The following PPHLN1 variants were observed in gnomAD, a reference collection of about 807,000 sequenced individuals.
PPHLN1 encodes periphilin 1.
Under a neutral mutation model 51.3 loss-of-function variants are expected in PPHLN1, and 29 were observed. The ratio of observed to expected loss-of-function variants is 0.57; its 90% CI spans 0.42 to 0.77. The LOEUF is 0.77. PPHLN1 is among the 30% of genes least tolerant of loss of function. The pLI is 0.00. For missense variants in PPHLN1, 436 were observed against 438.4 expected (o/e 0.99, Z 0.05); for synonymous variants, 147 against 147.8 (o/e 0.99, Z 0.04).
intron 4 of PPHLN1, 51 bp from the exon 5 acceptor site, chr12:42,374,812 A>T: frequency 1.4e-6 from 2 of 1,414,338 alleles, no homozygotes; most frequent in Non-Finnish European, 9.7e-7. Context: ...GTGCTTGTAT[A>T]TAGAGGATAG....
chr12:42,395,688 T>C (rs1459506775), intron 8 of PPHLN1, among the ~76,000 whole-genome samples: 3 of 152,164 alleles, frequency 2.0e-5, no homozygotes, highest in African/African-American at 4.8e-5. Context: ...GGCAAAGTAC[T>C]GTGTATGTGT....
intron 2 of PPHLN1, among the ~76,000 whole-genome samples, chr12:42,344,928 T>C (rs2072062608): frequency 6.6e-6 from 1 of 152,098 alleles, no homozygotes; most frequent in Admixed American, 6.6e-5. Flanking sequence ...CAGGCTGGTC[T>C]CGAATTCCTG....
rs888386711 is a variant in PPHLN1 at position 42,414,532 on chromosome 12, T to A, written c.909+15538T>A. On this transcript the variant is annotated intron_variant, in intron 9 of 9. Transcript: ENST00000358314. Reference sequence around the variant, plus strand: ...TAGGTATTTTATTTTATTTTATTTTTTTGCAGCTATTGTAAAAGGATTGAG... The same window carrying A: ...TAGGTATTTTATTTTATTTTATTTTATTGCAGCTATTGTAAAAGGATTGAG... Among the ~76,000 whole-genome samples, 5 of 140,992 alleles carry A rather than the reference T, an allele frequency of 3.5e-5. No individual in the cohort carries two copies. The East Asian group carries it at 8.2e-4, about 23-fold the overall frequency. The allele number at this position is 140,992 out of a possible 152,430, so 92.5% of individuals were successfully genotyped here.
intron 6 of PPHLN1, 53 bp from the exon 7 acceptor site, chr12:42,387,403 A>C (rs1200865166): frequency 6.4e-7 from 1 of 1,553,712 alleles, no homozygotes; most frequent in Admixed American, 2.0e-5. Context: ...AAATTACTTT[A>C]TCAAAAACAA....
intron 7 of PPHLN1, among the ~76,000 whole-genome samples, chr12:42,390,826 T>G (rs1200137684): frequency 1.3e-5 from 2 of 150,760 alleles, no homozygotes; most frequent in Non-Finnish European, 3.0e-5. Flanking sequence ...AAGTTTTTTT[T>G]TTTTTTTTTT....
At chr12:42,351,441 G>C (rs1487726863) in intron 2 of PPHLN1, 2 of 152,244 alleles carry the variant, frequency 1.3e-5, no homozygotes, top group East Asian at 3.8e-4. Context: ...GATCATTCTG[G>C]CTCAATATCA....
chr12:42,431,843 CA>C (rs763237135), intron 9 of PPHLN1: 54 of 1,531,790 alleles, frequency 3.5e-5, no homozygotes, highest in Non-Finnish European at 4.7e-5. Context: ...TTGCCTAGCC[CA>C]TTTTCAATAA....
rs184273471 is a variant in PPHLN1 at position 42,415,590 on chromosome 12, A to G, written c.909+16596A>G. 1.4e-4 allele frequency among the ~76,000 whole-genome samples: 22 copies of G among 152,304 alleles called. 1 individual carries two copies. Among genetic ancestry groups the G allele is most frequent in the African/African-American group, 5.3e-4 (22 of 41,560 alleles). ...ACTCACTCTTACATGAGCTCGAGGT[A>G]ATGTCTGTCATCCCTACCAGGCTCT... On this transcript the variant is annotated intron_variant, in intron 9 of 9. Coordinates refer to ENST00000358314, the MANE Select transcript of PPHLN1 (RefSeq NM_201439.2).
chr12:42,378,877 T>G (rs892463149), intron 5 of PPHLN1, among the ~76,000 whole-genome samples: 9 of 152,170 alleles, frequency 5.9e-5, no homozygotes, highest in African/African-American at 2.2e-4. Context: ...TATAACTTAG[T>G]TGGGCTGACC....
intron 9 of PPHLN1, among the ~76,000 whole-genome samples, chr12:42,404,413 TC>T (rs1229153835): frequency 1.3e-5 from 2 of 151,976 alleles, no homozygotes; most frequent in East Asian, 3.9e-4. Flanking sequence ...CCTATAATCC[TC>T]GCTACTTAGG....
intron 9 of PPHLN1, among the ~76,000 whole-genome samples, chr12:42,407,328 T>C (rs2079402018): frequency 2.0e-5 from 3 of 152,242 alleles, no homozygotes; most frequent in African/African-American, 7.2e-5. Context: ...GCTGGTAGAT[T>C]GACTTCTGTG....
At chr12:42,443,068 CTTTG>C, downstream of PPHLN1, 4 of 234,424 alleles carry the variant, frequency 1.7e-5, no homozygotes, top group South Asian at 6.9e-5. Context: ...GTTAAGGCTA[CTTTG>C]GCCTTGCTCT....
chr12:42,359,734 A>G (rs993163161), intron 4 of PPHLN1: 4 of 152,238 alleles, frequency 2.6e-5, no homozygotes, highest in Non-Finnish European at 5.9e-5. Flanking sequence ...AGCAGTTAGG[A>G]AAGCCATGTC....
intron 2 of PPHLN1, among the ~76,000 whole-genome samples, chr12:42,341,393 G>A (rs1048485234): frequency 6.6e-6 from 1 of 152,166 alleles, no homozygotes; most frequent in African/African-American, 2.4e-5. Context: ...AGTGGTGACT[G>A]TTGGGAAGGT....
intron 9 of PPHLN1, among the ~76,000 whole-genome samples, chr12:42,413,927 G>C (rs1858038636): frequency 6.6e-6 from 1 of 151,958 alleles, no homozygotes; most frequent in South Asian, 2.1e-4. Flanking sequence ...TTTGTTTTTG[G>C]CTTAGGATTG....
downstream of PPHLN1, chr12:42,447,981 C>T (rs142033497): frequency 6.6e-6 from 1 of 152,126 alleles, no homozygotes; most frequent in African/African-American, 2.4e-5. Context: ...CTCTGGTATT[C>T]TTCCCTCATA....
rs767945520 is a variant in PPHLN1, at chr12:42,335,918, C to T, written c.16C>T (p.Arg6Ter). 4.4e-6 allele frequency: 7 copies of T among 1,582,334 alleles called. No individual in the cohort carries two copies. Among genetic ancestry groups the T allele is most frequent in the Non-Finnish European group, 5.2e-6 (6 of 1,162,824 alleles). Residue 6 changes from arginine to a stop codon, truncating the protein, a stop_gained, in exon 2 of 10, where the codon CGA becomes TGA. Transcript: ENST00000358314. LOFTEE classifies it high-confidence loss of function. ...AAGAGACGAAATGTGGTCTGAGGGA[C>T]GATATGAATATGAAAGAATTCCGAG... MWSEG[R>*]YEYERIPRER...
chr12:42,356,890 G>A (rs552021986), intron 4 of PPHLN1, among the ~76,000 whole-genome samples: 2 of 152,090 alleles, frequency 1.3e-5, no homozygotes, highest in South Asian at 2.1e-4. Context: ...AATGAAAAAC[G>A]CAACTACTTA....
intron 9 of PPHLN1, among the ~76,000 whole-genome samples, chr12:42,427,629 C>A (rs73273906): frequency 3.9e-5 from 6 of 152,312 alleles, no homozygotes; most frequent in Non-Finnish European, 8.8e-5. Context: ...GACTTACTTA[C>A]ATCTACGACC....
Sources: gnomAD v4.1 joint callset for allele counts (sites outside exome capture counted in the v4.1 genomes callset) on GRCh38, gnomAD v4.1.1 for gene constraint, MANE v1.5 for transcripts, NCBI Gene and HGNC (gene_info 2026-07-23, HGNC 2026-07-21) for gene names.